THOP1: variants seen among roughly 807,000 people sequenced by gnomAD.
The protein encoded by THOP1 is thimet oligopeptidase 1, also known as thimet oligopeptidase.
A neutral mutation model predicts 71.8 loss-of-function variants in THOP1; 49 were observed. That is an observed-to-expected ratio of 0.68 (90% CI 0.54 to 0.87). The LOEUF is 0.87. Ranked by LOEUF, THOP1 falls within the 40% of genes least tolerant of loss-of-function variation. The pLI is 0.00. For synonymous variants in THOP1, 426 were observed against 421.5 expected, an observed-to-expected ratio of 1.01 and a Z score of -0.13; for missense variants, 843 against 975.6, an observed-to-expected ratio of 0.86 and a Z score of 1.81.
chr19:2,805,672 C>G lies in THOP1; in HGVS notation c.750+496C>G, dbSNP rs1163681335. 1.3e-5 allele frequency among the ~76,000 whole-genome samples: 2 copies of G among 152,138 alleles called. No individual in the cohort carries two copies. The highest frequency in any genetic ancestry group is 1.3e-4 in the Admixed American group (2 of 15,278). On this transcript the variant is annotated intron_variant, in intron 6 of 12. Transcript: ENST00000307741. The surrounding 1 kb of genome is among the most constrained non-coding windows in gnomAD (Gnocchi z 6.6). ...TGTGGTCGGTCAGGTGGTCTCTGCA[C>G]GTCTCCCATTCGCCATCTGGAACAG...
rs542062885 is a variant in THOP1 at position 2,799,778 on chromosome 19, G to C, written c.576G>C (p.Thr192=). 6.2e-7 allele frequency: 1 copy of C among 1,613,622 alleles called. No homozygotes were observed. Among genetic ancestry groups the C allele is most frequent in the Admixed American group, 1.7e-5 (1 of 60,030 alleles). Residue 192 remains threonine, a synonymous_variant, in exon 5 of 13, where the codon ACG becomes ACC. Transcript: ENST00000307741. ...AGGACACGACCTTCCTGCCCTTCAC[G>C]CTCCAGGAGCTAGGTAGGGGCCGAG... ...LNEDTTFLPF[T]LQELGGLPED...
At position 2,807,549 on chromosome 19, in the gene THOP1, A is replaced by G; in HGVS notation, c.994A>G (p.Ile332Val). 3 of 1,612,450 alleles carry G rather than the reference A, an allele frequency of 1.9e-6. No individual in the cohort carries two copies. In the Admixed American group the frequency reaches 5.0e-5, roughly 27 times the overall value. ...ERRGLPFDGR[I>V]RAWDMRYYMN... ...CCGGGGCCTGCCCTTCGACGGCCGC[A>G]TCCGTGCCTGGGACATGCGCTACTA... Residue 332 changes from isoleucine to valine, a missense_variant, in exon 8 of 13, where the codon ATC becomes GTC. By Grantham distance (29) the Ile-to-Val change is conservative. Coordinates refer to ENST00000307741, the MANE Select transcript of THOP1 (RefSeq NM_003249.5).
chr19:2,812,669 G>T (rs1271774293), intron 12 of THOP1, among the ~76,000 whole-genome samples: 2 of 152,210 alleles, frequency 1.3e-5, no homozygotes, highest in East Asian at 3.9e-4. Flanking sequence ...GGGCGTCGGG[G>T]TCTCCTTGGT....
intron 8 of THOP1, 105 bp from the exon 9 acceptor site, chr19:2,808,138 G>T: frequency 7.7e-7 from 1 of 1,300,102 alleles, no homozygotes; most frequent in Non-Finnish European, 1.1e-6. Context: ...CCTCAGAGGT[G>T]CCCGGCGGTC....
chr19:2,794,360 A>G (rs1255899736), intron 2 of THOP1, among the ~76,000 whole-genome samples: 1 of 152,112 alleles, frequency 6.6e-6, no homozygotes, highest in Non-Finnish European at 1.5e-5. Context: ...TACTCAACCT[A>G]AAGCACAGAT....
chr19:2,811,556 G>A (rs1398133494), intron 11 of THOP1, 42 bp from the exon 12 acceptor site: 1 of 1,586,046 alleles, frequency 6.3e-7, no homozygotes, highest in Admixed American at 1.7e-5. Flanking sequence ...AGGAGCATGG[G>A]GTGGGGGCTA....
chr19:2,808,607 G>A (rs1408490822), intron 9 of THOP1, among the ~76,000 whole-genome samples, 163 bp downstream of exon 9: 2 of 152,246 alleles, frequency 1.3e-5, no homozygotes, highest in African/African-American at 2.4e-5. Context: ...TGTCATGCCC[G>A]TGTCCTGGGG....
intron 9 of THOP1, 68 bp from the exon 10 acceptor site, chr19:2,810,236 C>A: frequency 6.5e-7 from 1 of 1,544,988 alleles, no homozygotes; most frequent in East Asian, 2.3e-5. Flanking sequence ...GCAGCTGACA[C>A]GGGCCAGGCC....
Position 2,808,387 on chromosome 19 carries a change from C to A in THOP1, c.1398C>A (p.Asp466Glu). The A allele has an allele frequency of 3.1e-6, 5 of 1,611,486 alleles. No individual in the cohort carries two copies. Among genetic ancestry groups the A allele is most frequent in the Non-Finnish European group, 4.2e-6 (5 of 1,179,006 alleles). The change falls in exon 9 of 13, where the codon GAC becomes GAA. Residue 466 changes from aspartate to glutamate, a missense_variant. By Grantham distance (45) the Asp-to-Glu change is conservative. Transcript: ENST00000307741. ...TADAPSLLQH[D>E]EVETYFHEFG... ...ACGCGCCCTCGCTGCTGCAGCATGACGAGGTGGAGACCTACTTCCATGAGT... is the reference window on the plus strand; with the variant it reads ...ACGCGCCCTCGCTGCTGCAGCATGAAGAGGTGGAGACCTACTTCCATGAGT...
intron 12 of THOP1, chr19:2,812,101 C>T (rs751591115): frequency 2.1e-4 from 292 of 1,366,490 alleles, no homozygotes; most frequent in Middle Eastern, 3.7e-4. Flanking sequence ...CGAGTCCTTC[C>T]GGGATCTGCG....
chr19:2,797,656 A>G (rs765437091), intron 4 of THOP1, among the ~76,000 whole-genome samples: 3 of 152,230 alleles, frequency 2.0e-5, no homozygotes, highest in African/African-American at 7.2e-5. Flanking sequence ...TTAAGCTGTG[A>G]TGTTCGCTCC....
At chr19:2,795,179 C>G (rs1183560073) in intron 3 of THOP1, among the ~76,000 whole-genome samples, 1 of 152,192 alleles carries the variant, frequency 6.6e-6, no homozygotes. Context: ...AGGCTGTTCT[C>G]AAACTCCTGA....
At chr19:2,787,853 C>T (rs1915785567) in intron 1 of THOP1, among the ~76,000 whole-genome samples, 1 of 152,154 alleles carries the variant, frequency 6.6e-6, no homozygotes, top group African/African-American at 2.4e-5. Flanking sequence ...CAGCTCCACC[C>T]CAGAAAACGA....
At position 2,804,695 on chromosome 19, in the gene THOP1, T is replaced by G. The variant is rs1599528442; in HGVS notation, c.590-321T>G. On this transcript the variant is annotated intron_variant, in intron 5 of 12. Transcript: ENST00000307741. The surrounding 1 kb of genome is among the most constrained non-coding windows in gnomAD (Gnocchi z 4.7). ...CCTGGAAGCCCACGATGTCCGGGGG[T>G]TGGGCTGGATTTAGCTTTAACCTCT... The G allele has an allele frequency of 8.7e-6, 2 of 230,808 alleles. No homozygotes were observed. Among genetic ancestry groups the G allele is most frequent in the South Asian group, 1.1e-4 (1 of 8,816 alleles). The allele number at this position is 230,808 out of a possible 1,614,324, so 14.3% of individuals were successfully genotyped here.
At chr19:2,798,065 G>T (rs1181074052) in intron 4 of THOP1, among the ~76,000 whole-genome samples, 5 of 152,148 alleles carry the variant, frequency 3.3e-5, no homozygotes, top group Non-Finnish European at 5.9e-5. Context: ...GTCACACTCT[G>T]TCTCCCAGGC....
chr19:2,796,646 CG>C (rs1327083061), intron 4 of THOP1, among the ~76,000 whole-genome samples: 1 of 147,670 alleles, frequency 6.8e-6, no homozygotes, highest in Non-Finnish European at 1.5e-5. Flanking sequence ...TGCTCAGTTG[CG>C]GGGAGTGCTG....
At position 2,788,204 on chromosome 19, in the gene THOP1, G is replaced by A. The variant is rs552211637; in HGVS notation, c.17-2217G>A. Reference sequence around the variant, plus strand: ...GTTCTCTGCACCCTGAATTGTTCCCGTTTTGCAGGTGGGAAGCCTGAGAGT... The same window carrying A: ...GTTCTCTGCACCCTGAATTGTTCCCATTTTGCAGGTGGGAAGCCTGAGAGT... On this transcript the variant is annotated intron_variant, in intron 1 of 12. Transcript: ENST00000307741. Among the ~76,000 whole-genome samples, 61 of 152,274 alleles carry A rather than the reference G, an allele frequency of 4.0e-4. 1 individual carries two copies. Among genetic ancestry groups the A allele is most frequent in the African/African-American group, 1.3e-3 (56 of 41,536 alleles).
At position 2,805,595 on chromosome 19, in the gene THOP1, C is replaced by T. The variant is rs1009353625; in HGVS notation, c.750+419C>T. Among the ~76,000 whole-genome samples, 1 of 152,152 alleles carries T rather than the reference C, an allele frequency of 6.6e-6. No homozygotes were observed. Among genetic ancestry groups the T allele is most frequent in the Non-Finnish European group, 1.5e-5 (1 of 68,038 alleles). ...GACTGGGCTATCTCGCTGTGACTGGCGTCAGACGGCCGTTCCCACAGGGAC... is the reference window on the plus strand; with the variant it reads ...GACTGGGCTATCTCGCTGTGACTGGTGTCAGACGGCCGTTCCCACAGGGAC... On this transcript the variant is annotated intron_variant, in intron 6 of 12. Transcript: ENST00000307741. This position sits in a 1 kb window ranked among gnomAD's most constrained non-coding sequence, Gnocchi z 6.6.
At position 2,790,579 on chromosome 19, in the gene THOP1, G is replaced by A. The variant is rs751089333; in HGVS notation, c.175G>A (p.Val59Met). 8 of 1,604,580 alleles carry A rather than the reference G, an allele frequency of 5.0e-6. No individual in the cohort carries two copies. Among genetic ancestry groups the A allele is most frequent in the South Asian group, 2.2e-5 (2 of 89,706 alleles). The part of the protein sequence containing the change: ...DQVGTQEFED[V>M]SYESTLKALA... ...GGTTGGCACCCAGGAGTTTGAGGAC[G>A]TGTCCTACGAGAGCACGCTCAAGGC... Residue 59 changes from valine (V) to methionine (M), a missense_variant, in exon 2 of 13, where the codon GTG becomes ATG. By Grantham distance (21) the Val-to-Met change is conservative. Coordinates refer to ENST00000307741, the MANE Select transcript of THOP1 (RefSeq NM_003249.5).
Sources: allele counts gnomAD v4.1 joint callset (sites outside exome capture counted in the v4.1 genomes callset), GRCh38; gene constraint gnomAD v4.1.1; non-coding constraint Gnocchi (gnomAD v3.1); transcripts MANE v1.5; gene names NCBI Gene and HGNC (gene_info 2026-07-23, HGNC 2026-07-21).